DEPDC5: variants seen among roughly 807,000 people sequenced by gnomAD.
DEPDC5 encodes the protein DEP domain containing 5, GATOR1 subcomplex subunit.
In DEPDC5, 73 loss-of-function variants were observed where a neutral mutation model predicts 217.3. The ratio of observed to expected loss-of-function variants is 0.34; its 90% CI spans 0.28 to 0.41. DEPDC5 has a LOEUF of 0.41. Ranked by LOEUF, DEPDC5 falls within the 10% of genes least tolerant of loss-of-function variation. DEPDC5 has a pLI of 1.00. For missense variants in DEPDC5, 1,675 were observed against 2,070.1 expected, an observed-to-expected ratio of 0.81 and a Z score of 3.70; for synonymous variants, 733 against 756.7, an observed-to-expected ratio of 0.97 and a Z score of 0.51.
In DEPDC5 at chr22:31,905,832, C is replaced by A. The variant is rs550631145; in HGVS notation, c.4437-152C>A. 3.9e-5 allele frequency: 27 copies of A among 693,078 alleles called. 1 individual carries two copies. In the South Asian group the frequency reaches 4.9e-4, roughly 13 times the overall value. The allele number at this position is 693,078 out of a possible 1,614,324, so 42.9% of individuals were successfully genotyped here. ...GGTCAGAAAGTGGTGAGGGTGAGGA[C>A]AAAAATAAGCAGCCTGCATGTGCAA... On this transcript the variant is annotated intron_variant, in intron 41 of 42. Coordinates refer to ENST00000651528, the MANE Select transcript of DEPDC5 (RefSeq NM_001242896.3).
intron 11 of DEPDC5, 64 bp from the exon 12 acceptor site, chr22:31,792,681 G>A: frequency 1.7e-6 from 2 of 1,153,704 alleles, no homozygotes; most frequent in East Asian, 5.8e-5. Flanking sequence ...CCCAGAAGAG[G>A]AAGCTGACAA....
chr22:31,868,284 G>A (rs2092742499), intron 33 of DEPDC5, among the ~76,000 whole-genome samples: 1 of 152,104 alleles, frequency 6.6e-6, no homozygotes, highest in Non-Finnish European at 1.5e-5. Context: ...GGGGCTGATA[G>A]TATTACTGGC....
At chr22:31,882,143 C>T (rs1172530304) in intron 38 of DEPDC5, among the ~76,000 whole-genome samples, 5 of 152,204 alleles carry the variant, frequency 3.3e-5, no homozygotes, top group East Asian at 1.9e-4. Flanking sequence ...AGGCTGCATA[C>T]GAGAAGCTTC....
chr22:31,809,870 T>C (rs576265570), intron 19 of DEPDC5, among the ~76,000 whole-genome samples: 1 of 152,178 alleles, frequency 6.6e-6, no homozygotes, highest in Admixed American at 6.6e-5. Context: ...TAATCCCAGC[T>C]ACTCGGGAGG....
intron 21 of DEPDC5, 114 bp downstream of exon 21, chr22:31,815,326 C>G: frequency 9.2e-7 from 1 of 1,092,634 alleles, no homozygotes; most frequent in South Asian, 1.3e-5. Context: ...TTAATGATTT[C>G]TTTGCCAGTG....
chr22:31,754,314 G>A (rs2075132978), intron 1 of DEPDC5, 150 bp downstream of exon 1: 1 of 155,808 alleles, frequency 6.4e-6, no homozygotes, highest in Non-Finnish European at 1.4e-5. Flanking sequence ...GGCCTCAGCT[G>A]TGAAACGGAG....
At chr22:31,774,815 G>A (rs1569515707) in intron 7 of DEPDC5, among the ~76,000 whole-genome samples, 1 of 151,972 alleles carries the variant, frequency 6.6e-6, no homozygotes, top group Admixed American at 6.6e-5. Flanking sequence ...GTAGATACGG[G>A]GTTTTACCAC....
intron 38 of DEPDC5, among the ~76,000 whole-genome samples, chr22:31,882,003 C>CT (rs1480171934): frequency 1.3e-5 from 2 of 150,834 alleles, no homozygotes; most frequent in Non-Finnish European, 2.9e-5. Flanking sequence ...AGGGCAGGTA[C>CT]CTACCCTGAT....
At chr22:31,808,822 C>G (rs2087885569) in intron 18 of DEPDC5, among the ~76,000 whole-genome samples, 1 of 152,208 alleles carries the variant, frequency 6.6e-6, no homozygotes, top group Non-Finnish European at 1.5e-5. Flanking sequence ...GTCTCGGCTT[C>G]CCAAAGTGCT....
chr22:31,762,004 G>A (rs563309627), intron 4 of DEPDC5, among the ~76,000 whole-genome samples: 1 of 149,998 alleles, frequency 6.7e-6, no homozygotes, highest in East Asian at 1.9e-4. Flanking sequence ...CAACCTGCCT[G>A]TTGCCCAGGT....
intron 7 of DEPDC5, among the ~76,000 whole-genome samples, chr22:31,770,786 C>CT (rs1489925021): frequency 1.5e-5 from 2 of 130,104 alleles, no homozygotes; most frequent in Non-Finnish European, 3.3e-5. Context: ...TCCCCATCTA[C>CT]TTTTCTTTTT....
intron 24 of DEPDC5, 199 bp downstream of exon 24, chr22:31,822,989 A>G: frequency 5.5e-6 from 3 of 541,732 alleles, no homozygotes. Flanking sequence ...AGCTCAGAAC[A>G]TGTTGGTCAA....
intron 24 of DEPDC5, among the ~76,000 whole-genome samples, chr22:31,827,381 A>T (rs2090237370): frequency 6.6e-6 from 1 of 152,190 alleles, no homozygotes; most frequent in South Asian, 2.1e-4. Context: ...CATATGCAAA[A>T]CCAATTAATG....
At chr22:31,789,567 T>C (rs927194019) in intron 10 of DEPDC5, among the ~76,000 whole-genome samples, 1 of 152,202 alleles carries the variant, frequency 6.6e-6, no homozygotes. Flanking sequence ...TTATACAACA[T>C]TGTGAATGTA....
intron 14 of DEPDC5, among the ~76,000 whole-genome samples, chr22:31,800,875 C>T (rs565308319): frequency 1.4e-4 from 22 of 152,050 alleles, no homozygotes; most frequent in African/African-American, 5.1e-4. Context: ...ACTCAGGAGG[C>T]TGAGACAGGA....
Position 31,798,558 on chromosome 22 carries a change from T to C in DEPDC5, c.872-24T>C, listed in dbSNP as rs1482793160. On this transcript the variant is annotated intron_variant, in intron 13 of 42. Coordinates refer to ENST00000651528, the MANE Select transcript of DEPDC5 (RefSeq NM_001242896.3). Reference sequence around the variant, plus strand: ...GTTCATGTTTCATGAGATGTTTTTCTTTCTCTTGCATATTTTGCTTCAGAG... The same window carrying C: ...GTTCATGTTTCATGAGATGTTTTTCCTTCTCTTGCATATTTTGCTTCAGAG... 2.5e-6 allele frequency: 4 copies of C among 1,596,150 alleles called. No homozygotes were observed. In the Admixed American group the frequency reaches 6.9e-5, roughly 27 times the overall value.
chr22:31,899,192 T>C (rs2149404816), intron 40 of DEPDC5, among the ~76,000 whole-genome samples: 1 of 152,366 alleles, frequency 6.6e-6, no homozygotes, highest in East Asian at 1.9e-4. Flanking sequence ...TTGCCATGGT[T>C]ACAGCTGCAG....
intron 27 of DEPDC5, among the ~76,000 whole-genome samples, chr22:31,842,431 C>T (rs1242009997): frequency 6.6e-6 from 1 of 151,992 alleles, no homozygotes; most frequent in Non-Finnish European, 1.5e-5. Context: ...CGAAATTAGC[C>T]TGGGGTGGTG....
intron 7 of DEPDC5, among the ~76,000 whole-genome samples, chr22:31,776,668 C>T (rs911003834): frequency 2.7e-5 from 4 of 149,572 alleles, no homozygotes; most frequent in Admixed American, 6.7e-5. Flanking sequence ...TCTCTGCCTC[C>T]GGGGTTCAAG....
Sources: gnomAD v4.1 joint callset for allele counts (sites outside exome capture counted in the v4.1 genomes callset) on GRCh38, gnomAD v4.1.1 for gene constraint, MANE v1.5 for transcripts, NCBI Gene and HGNC (gene_info 2026-07-23, HGNC 2026-07-21) for gene names.